Variants in TRMT10B observed in about 807,000 individuals in gnomAD.
TRMT10B encodes the protein tRNA methyltransferase 10 homolog B.
Under a neutral mutation model 43.8 loss-of-function variants are expected in TRMT10B, and 33 were observed. That is an observed-to-expected ratio of 0.75 (90% confidence interval 0.57 to 1.01). TRMT10B has a LOEUF of 1.01. Ranked by LOEUF, TRMT10B falls within the 50% of genes least tolerant of loss-of-function variation. The pLI, the probability that TRMT10B is intolerant of heterozygous loss-of-function variation, is 0.00. For synonymous variants in TRMT10B, 137 were observed against 130.6 expected (o/e 1.05, Z -0.34); for missense variants, 362 against 369.8 (o/e 0.98, Z 0.17).
chr9:37,760,699 A>AGGG (rs1826232232), intron 1 of TRMT10B, among the ~76,000 whole-genome samples: 2 of 152,226 alleles, frequency 1.3e-5, no homozygotes, highest in African/African-American at 4.8e-5. Flanking sequence ...TAGAGGTGGA[A>AGGG]GGGATAGGAG....
intron 4 of TRMT10B, among the ~76,000 whole-genome samples, chr9:37,764,444 CCCACGTAGCTGGGA>C (rs1197623027): frequency 1.3e-5 from 2 of 151,560 alleles, no homozygotes. Flanking sequence ...GCCTCAGCCT[CCCACGTAGCTGGGA>C]CTACAGGCTC....
chr9:37,777,629 G>A lies in TRMT10B; in HGVS notation c.873G>A (p.Glu291=). 6.2e-7 allele frequency: 1 copy of A among 1,613,872 alleles called. No homozygotes were observed. The highest frequency in any genetic ancestry group is 8.5e-7 in the Non-Finnish European group (1 of 1,179,966). The change falls in exon 9 of 9, where the codon GAG becomes GAA. Residue 291 remains glutamate, a synonymous_variant. Transcript: ENST00000297994. The part of the protein sequence containing the change: ...QVFDILSTYL[E]THNWPEALKK... The stretch of plus-strand genomic sequence containing the variant: ...TTGATATCCTGTCCACTTACTTAGA[G>A]ACTCACAACTGGCCTGAAGCATTGA...
At chr9:37,760,331 A>C (rs953283682) in intron 1 of TRMT10B, among the ~76,000 whole-genome samples, 3 of 152,164 alleles carry the variant, frequency 2.0e-5, no homozygotes, top group Non-Finnish European at 4.4e-5. Context: ...CAAAATAAGT[A>C]ATTTAAATAG....
chr9:37,753,070 G>C (rs930041637), upstream of TRMT10B, among the ~76,000 whole-genome samples: 1 of 152,046 alleles, frequency 6.6e-6, no homozygotes, highest in Non-Finnish European at 1.5e-5. Flanking sequence ...CGAACCCACC[G>C]AGAGCGAAGG....
chr9:37,774,166 T>C (rs1827888612), intron 7 of TRMT10B, among the ~76,000 whole-genome samples: 1 of 152,048 alleles, frequency 6.6e-6, no homozygotes, highest in Admixed American at 6.6e-5. Context: ...GGCGCTACCA[T>C]GCCCAGCTAA....
chr9:37,761,362 A>C (rs1443392929), intron 1 of TRMT10B, among the ~76,000 whole-genome samples: 1 of 152,200 alleles, frequency 6.6e-6, no homozygotes, highest in Non-Finnish European at 1.5e-5. Flanking sequence ...ATGGATAATC[A>C]TTGATTGCTT....
chr9:37,762,997 C>CG (rs1467011745), intron 3 of TRMT10B, among the ~76,000 whole-genome samples: 1 of 145,488 alleles, frequency 6.9e-6, no homozygotes, highest in Admixed American at 6.9e-5. Context: ...AAAAAAAAGC[C>CG]GGGTGTGGTG....
chr9:37,772,857 C>T (rs1034165843), intron 7 of TRMT10B, among the ~76,000 whole-genome samples: 9 of 152,060 alleles, frequency 5.9e-5, no homozygotes, highest in African/African-American at 1.2e-4. Flanking sequence ...GTTAAAAAAC[C>T]GTAATAGCCA....
At chr9:37,772,830 T>C (rs1003134924) in intron 7 of TRMT10B, among the ~76,000 whole-genome samples, 2 of 151,902 alleles carry the variant, frequency 1.3e-5, no homozygotes, top group Non-Finnish European at 2.9e-5. Flanking sequence ...ACAAAACAAT[T>C]TGGAAAAGAA....
upstream of TRMT10B, among the ~76,000 whole-genome samples, chr9:37,753,178 G>A (rs908217104): frequency 2.6e-5 from 4 of 152,080 alleles, no homozygotes; most frequent in South Asian, 4.1e-4. Context: ...CCGCCAGAAG[G>A]AAGAAACTCC....
chr9:37,757,849 T>C (rs1825884807), intron 1 of TRMT10B, among the ~76,000 whole-genome samples: 1 of 152,224 alleles, frequency 6.6e-6, no homozygotes, highest in African/African-American at 2.4e-5. Context: ...ATCCTCTAGC[T>C]ATTGTCCCAT....
chr9:37,760,829 G>C (rs893384822), intron 1 of TRMT10B, among the ~76,000 whole-genome samples: 1 of 152,154 alleles, frequency 6.6e-6, no homozygotes, highest in Non-Finnish European at 1.5e-5. Context: ...ACTACACCCG[G>C]AGGACCAGCC....
chr9:37,769,767 A>C, intron 5 of TRMT10B, 174 bp from the exon 6 acceptor site: 1 of 624,038 alleles, frequency 1.6e-6, no homozygotes, highest in Non-Finnish European at 2.9e-6. Context: ...TGCCTGGCTA[A>C]TTTTTTTGTA....
intron 1 of TRMT10B, among the ~76,000 whole-genome samples, chr9:37,757,863 T>A (rs1198323777): frequency 1.3e-5 from 2 of 152,238 alleles, no homozygotes; most frequent in Non-Finnish European, 2.9e-5. Context: ...GTCCCATTAC[T>A]CACAAGTGGC....
At position 37,766,080 on chromosome 9, in the gene TRMT10B, G is replaced by T. The variant is rs1257378587; in HGVS notation, c.421-1996G>T. Among the ~76,000 whole-genome samples, 9 of 152,016 alleles carry T rather than the reference G, an allele frequency of 5.9e-5. No homozygotes were observed. In the South Asian group the frequency reaches 1.0e-3, roughly 17 times the overall value. On this transcript the variant is annotated intron_variant, in intron 4 of 8. Transcript: ENST00000297994. ...TTTGCTGTGCAGAAGCTCTTTAGTT[G>T]AATTAGATCCCATTTGTCAATTTTG... is the stretch of plus-strand genomic sequence containing the variant.
intron 1 of TRMT10B, among the ~76,000 whole-genome samples, chr9:37,759,529 G>A (rs1242389221): frequency 6.6e-6 from 1 of 152,190 alleles, no homozygotes; most frequent in Non-Finnish European, 1.5e-5. Flanking sequence ...AACTTTCTGG[G>A]GAGTGAGGCT....
chr9:37,765,105 TTTAA>T (rs1358206608), intron 4 of TRMT10B, among the ~76,000 whole-genome samples: 2 of 152,158 alleles, frequency 1.3e-5, no homozygotes, highest in African/African-American at 4.8e-5. Flanking sequence ...ATGAAAAGTA[TTTAA>T]TTATTTATTA....
intron 7 of TRMT10B, among the ~76,000 whole-genome samples, chr9:37,773,167 G>A (rs2381724): frequency 0.13 from 19,508 of 152,230 alleles, 1,420 homozygotes; most frequent in Non-Finnish European, 0.16. Flanking sequence ...GAGTGAGGTG[G>A]TGCGATCATA....
chr9:37,772,708 GCA>G (rs1180404905), intron 7 of TRMT10B, among the ~76,000 whole-genome samples: 1 of 152,166 alleles, frequency 6.6e-6, no homozygotes, highest in Non-Finnish European at 1.5e-5. Flanking sequence ...GTTCGTCCAG[GCA>G]CAGTGGCTCA....
Sources: allele counts gnomAD v4.1 joint callset (sites outside exome capture counted in the v4.1 genomes callset), GRCh38; gene constraint gnomAD v4.1.1; transcripts MANE v1.5; gene names NCBI Gene and HGNC (gene_info 2026-07-23, HGNC 2026-07-21).